The following CNTN1 variants were observed in gnomAD, a reference collection of about 807,000 sequenced individuals.
The protein encoded by CNTN1 is contactin-1.
Under a neutral mutation model 126.4 loss-of-function variants are expected in CNTN1, and 38 were observed. The observed-to-expected ratio is 0.30, with a 90% CI of 0.23 to 0.39. The LOEUF is 0.39. CNTN1 is among the 10% of genes least tolerant of loss of function. The pLI is 1.00. For missense variants in CNTN1, 1,009 were observed against 1,248.4 expected, an observed-to-expected ratio of 0.81 and a Z score of 2.89; for synonymous variants, 413 against 422.6, an observed-to-expected ratio of 0.98 and a Z score of 0.28.
intron 1 of CNTN1, among the ~76,000 whole-genome samples, chr12:40,709,873 C>T (rs1941867137): frequency 1.3e-5 from 2 of 152,170 alleles, no homozygotes; most frequent in Admixed American, 6.5e-5. Context: ...ATCAAGGCTA[C>T]TCAAACTTTC....
intron 1 of CNTN1, among the ~76,000 whole-genome samples, chr12:40,830,435 A>T (rs1334636990): frequency 6.6e-6 from 1 of 151,954 alleles, no homozygotes; most frequent in Non-Finnish European, 1.5e-5. Context: ...ATATATATTA[A>T]AAAGGAAACA....
At chr12:41,023,232 G>A (rs1948964891) in intron 20 of CNTN1, among the ~76,000 whole-genome samples, 1 of 152,118 alleles carries the variant, frequency 6.6e-6, no homozygotes, top group South Asian at 2.1e-4. Context: ...AAAATATAAA[G>A]CTGGAAAGCC....
chr12:40,839,517 A>G (rs1942196884), intron 1 of CNTN1, among the ~76,000 whole-genome samples: 1 of 152,178 alleles, frequency 6.6e-6, no homozygotes, highest in African/African-American at 2.4e-5. Context: ...AGCCAATCCT[A>G]AAAACAGCAA....
At chr12:40,764,311 G>A (rs2136421323) in intron 1 of CNTN1, among the ~76,000 whole-genome samples, 1 of 152,320 alleles carries the variant, frequency 6.6e-6, no homozygotes, top group Admixed American at 6.5e-5. Context: ...GTAGGGGAAA[G>A]AGATTAGCCT....
chr12:40,962,578 TGAAG>T (rs1489611090), intron 15 of CNTN1, among the ~76,000 whole-genome samples: 1 of 152,040 alleles, frequency 6.6e-6, no homozygotes, highest in Non-Finnish European at 1.5e-5. Flanking sequence ...GATTTAGAAA[TGAAG>T]AAAGCAGTGG....
Position 40,933,718 on chromosome 12 carries a change from G to A in CNTN1, c.825G>A (p.Trp275Ter), listed in dbSNP as rs1332718825. The A allele has an allele frequency of 6.2e-7, 1 of 1,612,678 alleles. No individual in the cohort carries two copies. Among genetic ancestry groups the A allele is most frequent in the East Asian group, 2.2e-5 (1 of 44,830 alleles). Residue 275 changes from tryptophan to a stop codon, truncating the protein, a stop_gained, in exon 9 of 24, where the codon TGG becomes TGA. Coordinates refer to ENST00000551295, the MANE Select transcript of CNTN1 (RefSeq NM_001843.4). LOFTEE classifies it high-confidence loss of function. Reference protein sequence around the residue: ...ALGNPVPDIRWRKVLEPMPST... With the variant: ...ALGNPVPDIR Reference sequence around the variant, plus strand: ...AAAGTCCTGTTCCGGATATCCGATGGCGGAAGGTTCTAGAACCAATGCCAA... The same window carrying A: ...AAAGTCCTGTTCCGGATATCCGATGACGGAAGGTTCTAGAACCAATGCCAA...
intron 17 of CNTN1, among the ~76,000 whole-genome samples, chr12:41,010,821 T>G (rs952922761): frequency 3.3e-5 from 5 of 152,080 alleles, no homozygotes; most frequent in Non-Finnish European, 5.9e-5. Context: ...TGGTGTTTCC[T>G]TTTCCATCCA....
At chr12:40,706,250 A>T (rs969339574) in intron 1 of CNTN1, among the ~76,000 whole-genome samples, 28 of 146,322 alleles carry the variant, frequency 1.9e-4, no homozygotes, top group Non-Finnish European at 3.9e-4. Context: ...ATATCTCCTA[A>T]TGCTTTCCCT....
At chr12:40,847,617 T>C (rs1253669184) in intron 1 of CNTN1, among the ~76,000 whole-genome samples, 3 of 152,206 alleles carry the variant, frequency 2.0e-5, no homozygotes, top group Non-Finnish European at 4.4e-5. Flanking sequence ...AAATTTTAAT[T>C]TTATTAGTTT....
In CNTN1 at chr12:41,062,657, T is replaced by C. The variant is rs190113446; in HGVS notation, c.2981-7302T>C. 9.8e-5 allele frequency among the ~76,000 whole-genome samples: 15 copies of C among 152,328 alleles called. No homozygotes were observed. The East Asian group carries it at 2.9e-3, about 29-fold the overall frequency. ...TACATTTAAAACATTTGTTTTTACC[T>C]CAATAGCTTCACATTGACCAAGTGT... is the stretch of plus-strand genomic sequence containing the variant. On this transcript the variant is annotated intron_variant, in intron 23 of 23. Transcript: ENST00000551295.
chr12:40,886,323 T>A (rs974803085), intron 1 of CNTN1, among the ~76,000 whole-genome samples: 1 of 152,164 alleles, frequency 6.6e-6, no homozygotes, highest in African/African-American at 2.4e-5. Flanking sequence ...TCTATTCCCA[T>A]GGACTTAACA....
At chr12:41,028,904 GA>G (rs1949087319) in intron 22 of CNTN1, among the ~76,000 whole-genome samples, 158 bp from the exon 23 acceptor site, 1 of 151,878 alleles carries the variant, frequency 6.6e-6, no homozygotes, top group African/African-American at 2.4e-5. Flanking sequence ...AAACTAACAT[GA>G]TTTTTTTCAT....
intron 17 of CNTN1, among the ~76,000 whole-genome samples, chr12:41,010,999 G>C (rs752202758): frequency 1.6e-4 from 24 of 152,034 alleles, no homozygotes; most frequent in Non-Finnish European, 2.9e-4. Flanking sequence ...ATTTTCTGCT[G>C]CCTGCAGAAC....
intron 1 of CNTN1, among the ~76,000 whole-genome samples, chr12:40,806,260 G>A (rs80024369): frequency 0.014 from 2,055 of 152,136 alleles, 49 homozygotes; most frequent in African/African-American, 0.048. Context: ...ACTGGTCTTG[G>A]CAGAGAGTTT....
intron 1 of CNTN1, among the ~76,000 whole-genome samples, chr12:40,866,291 G>T (rs1018491189): frequency 1.3e-5 from 2 of 152,072 alleles, no homozygotes; most frequent in East Asian, 1.9e-4. Flanking sequence ...CCCAACCTGG[G>T]TTTATTTTAT....
intron 1 of CNTN1, among the ~76,000 whole-genome samples, chr12:40,783,540 T>C (rs559606466): frequency 6.6e-6 from 1 of 152,230 alleles, no homozygotes; most frequent in South Asian, 2.1e-4. Context: ...AGAACACAAC[T>C]CTAGTAAACA....
chr12:40,811,188 C>T (rs1267940401), intron 1 of CNTN1, among the ~76,000 whole-genome samples: 2 of 152,158 alleles, frequency 1.3e-5, no homozygotes, highest in African/African-American at 2.4e-5. Context: ...TTTGGATATA[C>T]ACCCTGAAAT....
At chr12:40,799,965 G>A (rs1229990014) in intron 1 of CNTN1, among the ~76,000 whole-genome samples, 1 of 151,994 alleles carries the variant, frequency 6.6e-6, no homozygotes, top group Non-Finnish European at 1.5e-5. Context: ...AGTCCAAAGT[G>A]TGAGAAATGA....
At chr12:40,871,400 G>A (rs1401067343) in intron 1 of CNTN1, among the ~76,000 whole-genome samples, 4 of 152,070 alleles carry the variant, frequency 2.6e-5, no homozygotes. Flanking sequence ...ATCATTCTAA[G>A]CAATTTTATA....
Sources: allele counts gnomAD v4.1 joint callset (sites outside exome capture counted in the v4.1 genomes callset), GRCh38; gene constraint gnomAD v4.1.1; transcripts MANE v1.5; gene names NCBI Gene and HGNC (gene_info 2026-07-23, HGNC 2026-07-21).